Variants in EPS15 observed in about 807,000 individuals in gnomAD.
The protein encoded by EPS15 is epidermal growth factor receptor pathway substrate 15.
EPS15 carries 72 observed loss-of-function variants against 113.8 expected under a neutral mutation model. The ratio of observed to expected loss-of-function variants is 0.63; its 90% confidence interval spans 0.52 to 0.77. EPS15 has a LOEUF of 0.77. Ranked by LOEUF, EPS15 falls within the 30% of genes least tolerant of loss-of-function variation. EPS15 has a pLI of 0.00. For synonymous variants in EPS15, 344 were observed against 363.4 expected (o/e 0.95, Z 0.61); for missense variants, 1,048 against 1,045.8 (o/e 1.00, Z -0.03).
At chr1:51,419,330 A>G (rs1448883348) in intron 13 of EPS15, among the ~76,000 whole-genome samples, 1 of 152,158 alleles carries the variant, frequency 6.6e-6, no homozygotes, top group Non-Finnish European at 1.5e-5. Context: ...CAGACAGGAA[A>G]CAAAAATTCA....
chr1:51,448,429 T>C (rs1036565914), intron 8 of EPS15, among the ~76,000 whole-genome samples: 1 of 151,718 alleles, frequency 6.6e-6, no homozygotes, highest in Non-Finnish European at 1.5e-5. Context: ...AGACAACATA[T>C]GCAAAGAAAG....
chr1:51,471,543 G>A, intron 4 of EPS15, 147 bp downstream of exon 4: 1 of 640,946 alleles, frequency 1.6e-6, no homozygotes, highest in South Asian at 1.9e-5. Flanking sequence ...TCTAGTGATT[G>A]GAAATACTTT....
intron 13 of EPS15, 51 bp from the exon 14 acceptor site, chr1:51,409,747 G>T (rs555504834): frequency 7.9e-6 from 10 of 1,273,184 alleles, no homozygotes; most frequent in Non-Finnish European, 1.1e-5. Context: ...GCAGGGGAGG[G>T]TTAAGTTAGT....
intron 10 of EPS15, 25 bp downstream of exon 10, chr1:51,446,935 A>C (rs1477017911): frequency 6.4e-7 from 1 of 1,553,372 alleles, no homozygotes; most frequent in Non-Finnish European, 8.7e-7. Context: ...ATATTTTTAA[A>C]AAATCAATTC....
chr1:51,508,234 A>AGAGAGAGAGAG (rs1557536346), intron 1 of EPS15, among the ~76,000 whole-genome samples: 381 of 94,964 alleles, frequency 4.0e-3, no homozygotes, highest in African/African-American at 7.3e-3. Flanking sequence ...AAAAGAAAAG[A>AGAGAGAGAGAG]AAAGAAAGAG....
In EPS15 at chr1:51,468,529, T is replaced by C; in HGVS notation, c.253A>G (p.Asn85Asp). 1 of 1,613,850 alleles carries C rather than the reference T, an allele frequency of 6.2e-7. No homozygotes were observed. The highest frequency in any genetic ancestry group is 8.5e-7 in the Non-Finnish European group (1 of 1,179,794). ...CTACTTAGTGAAACTTCCAATCCATTCTGGGCACATGCCACAAGACGCAAA... is the reference window on the plus strand; with the variant it reads ...CTACTTAGTGAAACTTCCAATCCATCCTGGGCACATGCCACAAGACGCAAA... ...VALRLVACAQNGLEVSLSSLN... is the reference protein window; with the variant it reads ...VALRLVACAQDGLEVSLSSLN... Residue 85 changes from asparagine to aspartate, a missense_variant, in exon 5 of 25, where the codon AAT becomes GAT. By Grantham distance (23) the Asn-to-Asp change is conservative. Transcript: ENST00000371733.
intron 1 of EPS15, among the ~76,000 whole-genome samples, chr1:51,518,781 G>A (rs1051930492): frequency 6.6e-6 from 1 of 151,618 alleles, no homozygotes; most frequent in South Asian, 2.1e-4. Context: ...CGTGCGGCCC[G>A]GGGGTGCGGC....
rs367611770 is a variant in EPS15, at chr1:51,480,393, G to A, written c.75+880C>T. ...CTTCTGTCTAGACTACTTTATACTC[G>A]TAGAGGTAGAGGTTAATAGAAACTG... On this transcript the variant is annotated intron_variant, in intron 2 of 24. Coordinates refer to ENST00000371733, the MANE Select transcript of EPS15 (RefSeq NM_001981.3). 7.9e-5 allele frequency among the ~76,000 whole-genome samples: 12 copies of A among 152,302 alleles called. No individual in the cohort carries two copies. In the South Asian group the frequency reaches 2.1e-3, roughly 26 times the overall value.
Position 51,354,792 on chromosome 1 carries a change from C to CAT in EPS15, c.*1906_*1907dup, listed in dbSNP as rs1347249682. ...TAAAAATCTATGTAATCCAGTTAAACATACATAAGATTAGGATACATTTAT... is the reference window on the plus strand; with the variant it reads ...TAAAAATCTATGTAATCCAGTTAAACATATACATAAGATTAGGATACATTTAT... On this transcript the variant is annotated 3_prime_UTR_variant, in exon 25 of 25. Coordinates refer to ENST00000371733, the MANE Select transcript of EPS15 (RefSeq NM_001981.3). The CAT allele has an allele frequency of 5.1e-6, 1 of 194,606 alleles. No individual in the cohort carries two copies. Among genetic ancestry groups the CAT allele is most frequent in the Non-Finnish European group, 1.1e-5 (1 of 93,146 alleles). The allele number at this position is 194,606 out of a possible 1,614,324, so 12.1% of individuals were successfully genotyped here.
chr1:51,422,746 C>T (rs1474066437), intron 12 of EPS15, among the ~76,000 whole-genome samples: 1 of 152,258 alleles, frequency 6.6e-6, no homozygotes, highest in Non-Finnish European at 1.5e-5. Context: ...CACACACCTC[C>T]CTTCACTTTC....
At chr1:51,388,276 C>A (rs1347423857) in intron 21 of EPS15, among the ~76,000 whole-genome samples, 21 of 152,228 alleles carry the variant, frequency 1.4e-4, no homozygotes, top group East Asian at 5.8e-4. Flanking sequence ...AACCAACGAG[C>A]ACAAAGACAC....
At chr1:51,471,786 A>C in intron 3 of EPS15, 49 bp from the exon 4 acceptor site, 1 of 1,284,358 alleles carries the variant, frequency 7.8e-7, no homozygotes, top group Non-Finnish European at 1.1e-6. Context: ...AACAAAAGTC[A>C]TCTGAATGAT....
intron 5 of EPS15, among the ~76,000 whole-genome samples, chr1:51,467,756 C>T (rs897136536): frequency 2.0e-5 from 3 of 151,922 alleles, no homozygotes; most frequent in Admixed American, 1.3e-4. Context: ...TCATGAACTG[C>T]GCATGTGAGG....
chr1:51,507,738 G>T lies in EPS15; in HGVS notation c.33+11461C>A, dbSNP rs969364508. Among the ~76,000 whole-genome samples, 22 of 151,874 alleles carry T rather than the reference G, an allele frequency of 1.4e-4. 1 individual carries two copies. The highest frequency in any genetic ancestry group is 1.3e-3 in the Admixed American group (20 of 15,238). ...CACATATATATGTGTGTGTGTGTAT[G>T]AAAGAGAGATAATAACTACATTTGG... On this transcript the variant is annotated intron_variant, in intron 1 of 24. Transcript: ENST00000371733.
At chr1:51,507,317 C>T (rs975716129) in intron 1 of EPS15, among the ~76,000 whole-genome samples, 1 of 152,166 alleles carries the variant, frequency 6.6e-6, no homozygotes, top group African/African-American at 2.4e-5. Context: ...AATTAATATG[C>T]TCCAAAGACA....
intron 1 of EPS15, among the ~76,000 whole-genome samples, chr1:51,508,279 A>AGG (rs1644544711): frequency 1.5e-5 from 2 of 137,560 alleles, no homozygotes; most frequent in African/African-American, 6.4e-5. Flanking sequence ...AGAGAAAGAG[A>AGG]GAAAGAGAGA....
At chr1:51,463,961 G>A (rs886416518) in intron 6 of EPS15, among the ~76,000 whole-genome samples, 163 bp from the exon 7 acceptor site, 3 of 151,988 alleles carry the variant, frequency 2.0e-5, no homozygotes, top group Non-Finnish European at 4.4e-5. Context: ...GTAAAGATAC[G>A]CAAGAAAAAA....
chr1:51,516,312 T>C (rs144417607), intron 1 of EPS15, among the ~76,000 whole-genome samples: 47 of 152,328 alleles, frequency 3.1e-4, no homozygotes, highest in African/African-American at 9.9e-4. Flanking sequence ...GGTCAAAGAA[T>C]TGTTAACTAT....
chr1:51,427,400 C>T lies in EPS15; in HGVS notation c.1041-5542G>A, dbSNP rs17106564. Among the ~76,000 whole-genome samples, 1,347 of 152,312 alleles carry T rather than the reference C, an allele frequency of 8.8e-3. 22 individuals are homozygous for T. The highest frequency in any genetic ancestry group is 0.031 in the African/African-American group (1,292 of 41,574). ...AGGTACATAAAACCAGTGAGATAGG[C>T]ACCTGTCATTAAGAAGCTCTTAATT... On this transcript the variant is annotated intron_variant, in intron 12 of 24. Transcript: ENST00000371733.
Sources: allele counts gnomAD v4.1 joint callset (sites outside exome capture counted in the v4.1 genomes callset), GRCh38; gene constraint gnomAD v4.1.1; transcripts MANE v1.5; gene names NCBI Gene and HGNC (gene_info 2026-07-23, HGNC 2026-07-21).